Variants in USP17L2 observed in about 807,000 individuals in gnomAD.
USP17L2 encodes the protein ubiquitin carboxyl-terminal hydrolase 17.
USP17L2 carries 29 observed loss-of-function variants against 39.8 expected under a neutral mutation model. The ratio of observed to expected loss-of-function variants is 0.73; its 90% CI spans 0.54 to 0.99. The LOEUF (loss-of-function observed/expected upper bound fraction) is 0.99. Among genes scored for constraint, USP17L2 ranks in the 50% least tolerant of loss-of-function variants. The pLI, the probability that USP17L2 is intolerant of heterozygous loss-of-function variation, is 0.00. For synonymous variants in USP17L2, 231 were observed against 252.7 expected, an observed-to-expected ratio of 0.91 and a Z score of 0.81; for missense variants, 567 against 647.2, an observed-to-expected ratio of 0.88 and a Z score of 1.35.
rs1308802988 is a variant in USP17L2 at position 12,137,844 on chromosome 8, T to G, written c.917A>C (p.Tyr306Ser). ...AGGTCCTGTGTTCTGCTGAGACATG[T>G]ATGGCTGCATGTCAAGGCACTCAGG... Reference protein sequence around the residue: ...QYPECLDMQPYMSQQNTGPLV... With the variant: ...QYPECLDMQPSMSQQNTGPLV... Residue 306 changes from tyrosine to serine, a missense_variant, in exon 1 of 1, where the codon TAC becomes TCC. By Grantham distance (144) the Tyr-to-Ser change is moderately radical (BLOSUM62 -2). Transcript: ENST00000333796. The G allele has an allele frequency of 2.0e-6, 3 of 1,485,404 alleles. No homozygotes were observed. The highest frequency in any genetic ancestry group is 2.8e-6 in the Non-Finnish European group (3 of 1,090,776). 92.0% of individuals were successfully genotyped at this position (1,485,404 alleles called of 1,614,324 possible).
rs369802022 is a variant in USP17L2, at chr8:12,137,302, G to A, written c.1459C>T (p.Leu487=). The change falls in exon 1 of 1, where the codon CTA becomes TTA. Residue 487 remains leucine, a synonymous_variant. Transcript: ENST00000333796. ...NHHPEQQSSL[L]NLSSTTRTDQ... ...GTCCGGGTCGTCGAAGAGAGGTTTA[G>A]CAGGGAGCTTTGCTGTTCAGGATGA... 6 of 1,531,384 alleles carry A rather than the reference G, an allele frequency of 3.9e-6. 1 individual carries two copies. Among genetic ancestry groups the A allele is most frequent in the Admixed American group, 1.8e-5 (1 of 55,878 alleles). The allele number at this position is 1,531,384 out of a possible 1,614,324, so 94.9% of individuals were successfully genotyped here.
At position 12,137,055 on chromosome 8, in the gene USP17L2, G is replaced by A. The variant is rs1304198527; in HGVS notation, c.*113C>T. 2.5e-5 allele frequency: 32 copies of A among 1,270,062 alleles called. 1 individual carries two copies. The highest frequency in any genetic ancestry group is 3.2e-5 in the Non-Finnish European group (29 of 910,044). 78.7% of individuals were successfully genotyped at this position (1,270,062 alleles called of 1,614,324 possible). On this transcript the variant is annotated 3_prime_UTR_variant, in exon 1 of 1. Transcript: ENST00000333796. Reference sequence around the variant, plus strand: ...ACTCCTCATTACTTTATGTAGGATTGACGGTGTTCGTGTTTGTGTGTGTGT... The same window carrying A: ...ACTCCTCATTACTTTATGTAGGATTAACGGTGTTCGTGTTTGTGTGTGTGT...
rs1803377182 is a variant in USP17L2 at position 12,138,692 on chromosome 8, A to G, written c.69T>C (p.Ser23=). 1 of 1,470,284 alleles carries G rather than the reference A, an allele frequency of 6.8e-7. No individual in the cohort carries two copies. Among genetic ancestry groups the G allele is most frequent in the Non-Finnish European group, 9.3e-7 (1 of 1,080,430 alleles). 91.1% of individuals were successfully genotyped at this position (1,470,284 alleles called of 1,614,324 possible). ...QFNHFSKLTS[S]RPDAAFAEIQ... is the part of the protein sequence containing the mutation. ...TTTCAGCAAAAGCTGCATCTGGCCG[A>G]GAAGATGTGAGTTTTGAAAAGTGGT... The change falls in exon 1 of 1, where the codon TCT becomes TCC. Residue 23 remains serine, a synonymous_variant. Coordinates refer to ENST00000333796, the MANE Select transcript of USP17L2 (RefSeq NM_201402.3).
Position 12,137,255 on chromosome 8 carries a change from A to C in USP17L2, c.1506T>G (p.Thr502=). Residue 502 remains threonine, a synonymous_variant, in exon 1 of 1, where the codon ACT becomes ACG. Transcript: ENST00000333796. Reference sequence around the variant, plus strand: ...TCCCTTGCAGAGAAGCGAGGGTGCCAGTGTTCACGGACTCCTGATCTGTCC... The same window carrying C: ...TCCCTTGCAGAGAAGCGAGGGTGCCCGTGTTCACGGACTCCTGATCTGTCC... ...TTRTDQESVN[T]GTLASLQGRT... 2.0e-6 allele frequency: 3 copies of C among 1,530,578 alleles called. No individual in the cohort carries two copies. The highest frequency in any genetic ancestry group is 2.6e-6 in the Non-Finnish European group (3 of 1,135,000). The allele number at this position is 1,530,578 out of a possible 1,614,324, so 94.8% of individuals were successfully genotyped here.
rs1348506379 is a variant in USP17L2 at position 12,137,827 on chromosome 8, T to C, written c.934A>G (p.Thr312Ala). Residue 312 changes from threonine to alanine, a missense_variant, in exon 1 of 1, where the codon ACA becomes GCA. This residue lies in a region of USP17L2 where 65 missense variants were observed against 84.8 expected (regional missense o/e 0.77). Coordinates refer to ENST00000333796, the MANE Select transcript of USP17L2 (RefSeq NM_201402.3). The stretch of plus-strand genomic sequence containing the variant: ...TAGAGGACATAGACAAGAGGTCCTG[T>C]GTTCTGCTGAGACATGTATGGCTGC... The part of the protein sequence containing the change: ...DMQPYMSQQN[T>A]GPLVYVLYAV... 6.8e-7 allele frequency: 1 copy of C among 1,475,706 alleles called. No individual in the cohort carries two copies. The highest frequency in any genetic ancestry group is 9.2e-7 in the Non-Finnish European group (1 of 1,082,974). 91.4% of individuals were successfully genotyped at this position (1,475,706 alleles called of 1,614,324 possible).
In USP17L2 at chr8:12,137,275, C is replaced by G. The variant is rs200898196; in HGVS notation, c.1486G>C (p.Asp496His). 6.5e-7 allele frequency: 1 copy of G among 1,530,858 alleles called. No individual in the cohort carries two copies. The highest frequency in any genetic ancestry group is 8.8e-7 in the Non-Finnish European group (1 of 1,135,020). The allele number at this position is 1,530,858 out of a possible 1,614,324, so 94.8% of individuals were successfully genotyped here. ...LLNLSSTTRTDQESVNTGTLA... is the reference protein window; with the variant it reads ...LLNLSSTTRTHQESVNTGTLA... The stretch of plus-strand genomic sequence containing the variant: ...GTGCCAGTGTTCACGGACTCCTGAT[C>G]TGTCCGGGTCGTCGAAGAGAGGTTT... Residue 496 changes from aspartate (D) to histidine (H), a missense_variant, in exon 1 of 1, where the codon GAT becomes CAT. Asp to His is a moderately conservative substitution (Grantham distance 81). This residue lies in a region of USP17L2 where 304 missense variants were observed against 254.7 expected (regional missense o/e 1.19). Coordinates refer to ENST00000333796, the MANE Select transcript of USP17L2 (RefSeq NM_201402.3).
rs191939669 is a variant in USP17L2, at chr8:12,136,789, C to T, written c.*379G>A. Reference sequence around the variant, plus strand: ...CCAACAACTGACGAATGAAACACACCCCAAGAGAAAATAGGAAACCGAGTC... The same window carrying T: ...CCAACAACTGACGAATGAAACACACTCCAAGAGAAAATAGGAAACCGAGTC... On this transcript the variant is annotated 3_prime_UTR_variant, in exon 1 of 1. Transcript: ENST00000333796. Among the ~76,000 whole-genome samples the T allele has an allele frequency of 2.1e-5, 3 of 140,600 alleles. No homozygotes were observed. Among genetic ancestry groups the T allele is most frequent in the African/African-American group, 8.0e-5 (3 of 37,342 alleles). The allele number at this position is 140,600 out of a possible 152,430, so 92.2% of individuals were successfully genotyped here.
At position 12,137,092 on chromosome 8, in the gene USP17L2, T is replaced by C; in HGVS notation, c.*76A>G. On this transcript the variant is annotated 3_prime_UTR_variant, in exon 1 of 1. Coordinates refer to ENST00000333796, the MANE Select transcript of USP17L2 (RefSeq NM_201402.3). ...GTTTGTGTGTGTGTGTGTGTTTGCG[T>C]GCGCGCTTGTGGGTGTATTTGTGCG... is the stretch of plus-strand genomic sequence containing the variant. The C allele has an allele frequency of 7.0e-7, 1 of 1,419,040 alleles. No homozygotes were observed. The allele number at this position is 1,419,040 out of a possible 1,614,324, so 87.9% of individuals were successfully genotyped here. A position where few individuals can be genotyped will look rare whatever the true frequency, so the allele number is the denominator to read the frequency against.
rs201786992 is a variant in USP17L2, at chr8:12,138,686, T to G, written c.75A>C (p.Pro25=). ...NHFSKLTSSR[P]DAAFAEIQRT... is the part of the protein sequence containing the mutation. Reference sequence around the variant, plus strand: ...GCTGGATTTCAGCAAAAGCTGCATCTGGCCGAGAAGATGTGAGTTTTGAAA... The same window carrying G: ...GCTGGATTTCAGCAAAAGCTGCATCGGGCCGAGAAGATGTGAGTTTTGAAA... Residue 25 remains proline, a synonymous_variant, in exon 1 of 1, where the codon CCA becomes CCC. Transcript: ENST00000333796. 2 of 1,485,498 alleles carry G rather than the reference T, an allele frequency of 1.3e-6. No individual in the cohort carries two copies. The highest frequency in any genetic ancestry group is 1.8e-6 in the Non-Finnish European group (2 of 1,093,784). The allele number at this position is 1,485,498 out of a possible 1,614,324, so 92.0% of individuals were successfully genotyped here. A position where few individuals can be genotyped will look rare whatever the true frequency, so the allele number is the denominator to read the frequency against.
rs763452336 is a variant in USP17L2 at position 12,137,932 on chromosome 8, T to G, written c.829A>C (p.Ile277Leu). The change falls in exon 1 of 1, where the codon ATC becomes CTC. Residue 277 changes from isoleucine to leucine, a missense_variant. Ile to Leu is a conservative substitution (Grantham distance 5). This residue lies in a region of USP17L2 where 65 missense variants were observed against 84.8 expected (regional missense o/e 0.77). Transcript: ENST00000333796. ...LTLHTSAKVL[I>L]LVLKRFSDVT... ...TCGGAGAATCTCTTCAAGACAAGGA[T>G]GAGGACCTTGGCAGAAGTGTGTAAA... The G allele has an allele frequency of 2.6e-6, 4 of 1,530,218 alleles. No individual in the cohort carries two copies. Among genetic ancestry groups the G allele is most frequent in the African/African-American group, 1.5e-5 (1 of 68,560 alleles). The allele number at this position is 1,530,218 out of a possible 1,614,324, so 94.8% of individuals were successfully genotyped here. A position where few individuals can be genotyped will look rare whatever the true frequency, so the allele number is the denominator to read the frequency against.
Position 12,137,375 on chromosome 8 carries a change from G to A in USP17L2, c.1386C>T (p.Asn462=), listed in dbSNP as rs376305799. 8.1e-5 allele frequency: 124 copies of A among 1,531,786 alleles called. 9 individuals are homozygous for A. The highest frequency in any genetic ancestry group is 4.4e-4 in the East Asian group (17 of 38,456). 94.9% of individuals were successfully genotyped at this position (1,531,786 alleles called of 1,614,324 possible). A position where few individuals can be genotyped will look rare whatever the true frequency, so the allele number is the denominator to read the frequency against. Residue 462 remains asparagine (N), a synonymous_variant, in exon 1 of 1, where the codon AAC becomes AAT. Transcript: ENST00000333796. ...ATTTCGATTGATGAATCACAAGTAC[G>A]TTGGGAGGCAGGGTACCTTCGACTT... The part of the protein sequence containing the change: ...VRKVEGTLPP[N]VLVIHQSKYK...
In USP17L2 at chr8:12,137,998, C is replaced by G. The variant is rs773472023; in HGVS notation, c.763G>C (p.Gly255Arg). 1 of 1,479,328 alleles carries G rather than the reference C, an allele frequency of 6.8e-7. No individual in the cohort carries two copies. Among genetic ancestry groups the G allele is most frequent in the East Asian group, 2.6e-5 (1 of 38,450 alleles). The allele number at this position is 1,479,328 out of a possible 1,614,324, so 91.6% of individuals were successfully genotyped here. ...ELNGENAYHC[G>R]LCLQRAPASK... Reference sequence around the variant, plus strand: ...GCCGGCGCCCTCTGGAGACAAAGACCGCAATGATAGGCATTCTCTCCATTG... The same window carrying G: ...GCCGGCGCCCTCTGGAGACAAAGACGGCAATGATAGGCATTCTCTCCATTG... The change falls in exon 1 of 1, where the codon GGT (glycine) becomes CGT (arginine). Residue 255 changes from glycine to arginine, a missense_variant. This residue lies in a region of USP17L2 where 65 missense variants were observed against 84.8 expected (regional missense o/e 0.77). Transcript: ENST00000333796.
rs1197394621 is a variant in USP17L2 at position 12,137,423 on chromosome 8, C to T, written c.1338G>A (p.Thr446=). 32 of 1,532,320 alleles carry T rather than the reference C, an allele frequency of 2.1e-5. 2 individuals carry two copies. The highest frequency in any genetic ancestry group is 2.6e-5 in the East Asian group (1 of 38,456). 94.9% of individuals were successfully genotyped at this position (1,532,320 alleles called of 1,614,324 possible). A position where few individuals can be genotyped will look rare whatever the true frequency, so the allele number is the denominator to read the frequency against. ...CTTTTCTGACGTTGAACTCAGGCTTCGTTTTGTTTTGCTCTTGGGGGAATT... is the reference window on the plus strand; with the variant it reads ...CTTTTCTGACGTTGAACTCAGGCTTTGTTTTGTTTTGCTCTTGGGGGAATT... ...HWKFPQEQNK[T]KPEFNVRKVE... The change falls in exon 1 of 1, where the codon ACG becomes ACA. Residue 446 remains threonine (T), a synonymous_variant. Transcript: ENST00000333796.
Position 12,137,795 on chromosome 8 carries a change from C to A in USP17L2, c.966G>T (p.Val322=), listed in dbSNP as rs199698022. 5 of 1,488,266 alleles carry A rather than the reference C, an allele frequency of 3.4e-6. No individual in the cohort carries two copies. The highest frequency in any genetic ancestry group is 1.5e-5 in the African/African-American group (1 of 66,996). The allele number at this position is 1,488,266 out of a possible 1,614,324, so 92.2% of individuals were successfully genotyped here. A position where few individuals can be genotyped will look rare whatever the true frequency, so the allele number is the denominator to read the frequency against. ...GACAACTCCACCCAGCGTGGACCAG[C>A]ACAGCATAGAGGACATAGACAAGAG... ...TGPLVYVLYA[V]LVHAGWSCHD... Residue 322 remains valine, a synonymous_variant, in exon 1 of 1, where the codon GTG becomes GTT. Transcript: ENST00000333796.
At position 12,136,593 on chromosome 8, in the gene USP17L2, G is replaced by A. The variant is rs1803227151; in HGVS notation, c.*575C>T. Among the ~76,000 whole-genome samples the A allele has an allele frequency of 7.1e-6, 1 of 140,512 alleles. No homozygotes were observed. Among genetic ancestry groups the A allele is most frequent in the Non-Finnish European group, 1.5e-5 (1 of 64,906 alleles). The allele number at this position is 140,512 out of a possible 152,430, so 92.2% of individuals were successfully genotyped here. ...TATGTGGGTTCCAGCAAGAGCACAA[G>A]TCCCAGGGCGCCTGAGGTCCATTCA... On this transcript the variant is annotated 3_prime_UTR_variant, in exon 1 of 1. Coordinates refer to ENST00000333796, the MANE Select transcript of USP17L2 (RefSeq NM_201402.3).
Position 12,137,069 on chromosome 8 carries a change from T to TG in USP17L2, c.*98_*99insC. ...TATGTAGGATTGACGGTGTTCGTGT[T>TG]TGTGTGTGTGTGTGTGTTTGCGTGC... On this transcript the variant is annotated 3_prime_UTR_variant, in exon 1 of 1. Transcript: ENST00000333796. 1 of 1,249,232 alleles carries TG rather than the reference T, an allele frequency of 8.0e-7. No individual in the cohort carries two copies. Among genetic ancestry groups the TG allele is most frequent in the Non-Finnish European group, 1.1e-6 (1 of 896,642 alleles). The allele number at this position is 1,249,232 out of a possible 1,614,324, so 77.4% of individuals were successfully genotyped here.
chr8:12,136,549 G>A lies in USP17L2; in HGVS notation c.*619C>T, dbSNP rs1405834184. Among the ~76,000 whole-genome samples, 2 of 140,574 alleles carry A rather than the reference G, an allele frequency of 1.4e-5. No homozygotes were observed. Among genetic ancestry groups the A allele is most frequent in the Middle Eastern group, 3.6e-3 (1 of 280 alleles). 92.2% of individuals were successfully genotyped at this position (140,574 alleles called of 152,430 possible). ...TGGACATCGTGAAACAGGCAAGTCGGTCTGTCTGTTTCCGGCGTTATGTGG... is the reference window on the plus strand; with the variant it reads ...TGGACATCGTGAAACAGGCAAGTCGATCTGTCTGTTTCCGGCGTTATGTGG... On this transcript the variant is annotated 3_prime_UTR_variant, in exon 1 of 1. Transcript: ENST00000333796.
chr8:12,136,463 G>A lies in USP17L2; in HGVS notation c.*705C>T, dbSNP rs1052845121. 6.4e-5 allele frequency among the ~76,000 whole-genome samples: 9 copies of A among 140,566 alleles called. 2 individuals carry two copies. The highest frequency in any genetic ancestry group is 4.6e-4 in the East Asian group (2 of 4,314). 92.2% of individuals were successfully genotyped at this position (140,566 alleles called of 152,430 possible). On this transcript the variant is annotated 3_prime_UTR_variant, in exon 1 of 1. Coordinates refer to ENST00000333796, the MANE Select transcript of USP17L2 (RefSeq NM_201402.3). ...GTTTGATTTCCTTTATTATCAATACGACTTATTTCCAAATGACTGACATGC... is the reference window on the plus strand; with the variant it reads ...GTTTGATTTCCTTTATTATCAATACAACTTATTTCCAAATGACTGACATGC...
chr8:12,136,510 C>T lies in USP17L2; in HGVS notation c.*658G>A, dbSNP rs182491309. 1.9e-3 allele frequency among the ~76,000 whole-genome samples: 264 copies of T among 140,444 alleles called. 26 individuals carry two copies. Among genetic ancestry groups the T allele is most frequent in the African/African-American group, 6.7e-3 (249 of 37,270 alleles). 92.1% of individuals were successfully genotyped at this position (140,444 alleles called of 152,430 possible). On this transcript the variant is annotated 3_prime_UTR_variant, in exon 1 of 1. Coordinates refer to ENST00000333796, the MANE Select transcript of USP17L2 (RefSeq NM_201402.3). Reference sequence around the variant, plus strand: ...ATGCCAGTGGGAAAATTTTCCATTTCGACTCATTGGAATTGGACATCGTGA... The same window carrying T: ...ATGCCAGTGGGAAAATTTTCCATTTTGACTCATTGGAATTGGACATCGTGA...
Sources: gnomAD v4.1 joint callset for allele counts (sites outside exome capture counted in the v4.1 genomes callset) on GRCh38, gnomAD v4.1.1 for gene constraint, gnomAD v4.1.1 regional missense constraint, MANE v1.5 for transcripts, NCBI Gene and HGNC (gene_info 2026-07-23, HGNC 2026-07-21) for gene names.